Variants in CLASP1 observed in about 807,000 individuals in gnomAD.
CLASP1 encodes cytoplasmic linker associated protein 1.
In CLASP1, 38 loss-of-function variants were observed where a neutral mutation model predicts 192.3. That is an observed-to-expected ratio of 0.20 (90% CI 0.15 to 0.26). The LOEUF (loss-of-function observed/expected upper bound fraction) is 0.26, where lower values mean the gene tolerates loss of function less well. CLASP1 is among the 10% of genes least tolerant of loss of function. The probability of loss-of-function intolerance (pLI) is 1.00; values close to 1 mark genes in which losing one functional copy is unlikely to be tolerated. For missense variants in CLASP1, 1,433 were observed against 1,932.5 expected, an observed-to-expected ratio of 0.74 and a Z score of 4.85; for synonymous variants, 691 against 712.8, an observed-to-expected ratio of 0.97 and a Z score of 0.49.
chr2:121,443,145 C>T (rs1184752477), intron 19 of CLASP1, among the ~76,000 whole-genome samples: 1 of 152,130 alleles, frequency 6.6e-6, no homozygotes, highest in East Asian at 1.9e-4. Flanking sequence ...TCTTCAGCAA[C>T]GGTCTCTATT....
At chr2:121,420,790 A>T (rs755149289) in intron 22 of CLASP1, among the ~76,000 whole-genome samples, 5 of 152,230 alleles carry the variant, frequency 3.3e-5, no homozygotes, top group Non-Finnish European at 4.4e-5. Flanking sequence ...AATTCTTCCT[A>T]GCCCCATCCC....
rs34423741 is a variant in CLASP1, at chr2:121,555,988, CTTTTTTTTTTTT to C, written c.196-25675_196-25664del. ...CACGGCGCCTGCCCCCTACCCACCG[CTTTTTTTTTTTT>C]TTTTTTTTTTTTTTTTTTTTTGAGA... On this transcript the variant is annotated intron_variant, in intron 2 of 39. Transcript: ENST00000263710. 2.7e-3 allele frequency among the ~76,000 whole-genome samples: 114 copies of C among 42,390 alleles called. 1 individual carries two copies. In the East Asian group the frequency reaches 0.051, roughly 19 times the overall value. 27.8% of individuals were successfully genotyped at this position (42,390 alleles called of 152,430 possible).
chr2:121,448,208 C>A (rs370327952), intron 18 of CLASP1, 68 bp downstream of exon 18: 2 of 1,400,482 alleles, frequency 1.4e-6, no homozygotes, highest in Non-Finnish European at 2.0e-6. Context: ...GCCTGGGCAG[C>A]CTCTTGCAGC....
At chr2:121,526,314 G>A (rs998368515) in intron 5 of CLASP1, among the ~76,000 whole-genome samples, 5 of 152,184 alleles carry the variant, frequency 3.3e-5, no homozygotes, top group African/African-American at 1.2e-4. Flanking sequence ...CGTGTGCTGT[G>A]GCAGAGCTAG....
intron 39 of CLASP1, 107 bp from the exon 41 acceptor site, chr2:121,341,054 T>C (rs1419230999): frequency 2.7e-6 from 2 of 734,646 alleles, no homozygotes; most frequent in African/African-American, 3.5e-5. Context: ...AGTCCCTTAG[T>C]TCCCTTGGTT....
chr2:121,346,285 C>T (rs12622810), intron 39 of CLASP1, among the ~76,000 whole-genome samples: 28,461 of 152,202 alleles, frequency 0.19, 4,781 homozygotes, highest in African/African-American at 0.45. Flanking sequence ...GGAACCAAGG[C>T]CTCACCCCTT....
At chr2:121,606,036 G>A in exon 2 of CLASP1, 3 of 664,056 alleles carry the variant, frequency 4.5e-6, no homozygotes, top group Non-Finnish European at 7.7e-6. Context: ...TCTGGGGAAT[G>A]GCAACAATGC....
intron 2 of CLASP1, among the ~76,000 whole-genome samples, chr2:121,541,634 G>A (rs949971805): frequency 6.6e-6 from 1 of 152,048 alleles, no homozygotes; most frequent in Non-Finnish European, 1.5e-5. Flanking sequence ...CAGCCTCGGC[G>A]CTACACCTCT....
chr2:121,598,413 C>T (rs1366846346), intron 2 of CLASP1, among the ~76,000 whole-genome samples: 1 of 152,224 alleles, frequency 6.6e-6, no homozygotes, highest in African/African-American at 2.4e-5. Flanking sequence ...ACAGCCAAGC[C>T]TGTTCATTTA....
intron 22 of CLASP1, among the ~76,000 whole-genome samples, chr2:121,420,648 A>G (rs2079326053): frequency 6.6e-6 from 1 of 152,236 alleles, no homozygotes; most frequent in Non-Finnish European, 1.5e-5. Context: ...GAGCACATGT[A>G]AAAATTTTGT....
At chr2:121,473,028 T>G (rs1255328339) in intron 8 of CLASP1, among the ~76,000 whole-genome samples, 1 of 152,082 alleles carries the variant, frequency 6.6e-6, no homozygotes, top group East Asian at 1.9e-4. Context: ...CAAGGTAATA[T>G]TCACAATACA....
chr2:121,517,793 G>C (rs560898447), intron 6 of CLASP1, among the ~76,000 whole-genome samples: 1 of 145,444 alleles, frequency 6.9e-6, no homozygotes, highest in South Asian at 2.3e-4. Context: ...CTCAGGAGTT[G>C]GAGGCTGCAG....
intron 24 of CLASP1, chr2:121,409,111 T>C: frequency 7.4e-7 from 1 of 1,359,638 alleles, no homozygotes; most frequent in Non-Finnish European, 1.0e-6. Flanking sequence ...GAAGCATATG[T>C]AGGGATTGTT....
At chr2:121,421,757 G>T (rs1176216502) in intron 22 of CLASP1, among the ~76,000 whole-genome samples, 1 of 151,992 alleles carries the variant, frequency 6.6e-6, no homozygotes, top group Non-Finnish European at 1.5e-5. Context: ...TGGTCAGGCT[G>T]GTCTCCAACT....
At chr2:121,434,085 TA>T (rs2081926353) in intron 19 of CLASP1, among the ~76,000 whole-genome samples, 1 of 152,170 alleles carries the variant, frequency 6.6e-6, no homozygotes. Context: ...AGGGTGGGAA[TA>T]GAACAATGAA....
At chr2:121,527,232 T>C (rs922530820) in intron 5 of CLASP1, among the ~76,000 whole-genome samples, 1 of 152,208 alleles carries the variant, frequency 6.6e-6, no homozygotes, top group Non-Finnish European at 1.5e-5. Flanking sequence ...AACTGGAAAT[T>C]ACCCAAATGT....
chr2:121,351,746 T>C (rs2064475336), intron 37 of CLASP1, among the ~76,000 whole-genome samples: 1 of 152,194 alleles, frequency 6.6e-6, no homozygotes, highest in South Asian at 2.1e-4. Context: ...CGGATCAGCA[T>C]GGCTTAAGGG....
intron 37 of CLASP1, among the ~76,000 whole-genome samples, chr2:121,350,375 G>A (rs1032121309): frequency 3.5e-4 from 54 of 152,200 alleles, no homozygotes; most frequent in African/African-American, 1.3e-3. Context: ...GTCAGGGAGT[G>A]TGGGAAATGG....
At chr2:121,430,236 A>G (rs966130590) in intron 19 of CLASP1, 59 bp from the exon 20 acceptor site, 7 of 1,323,476 alleles carry the variant, frequency 5.3e-6, no homozygotes, top group Non-Finnish European at 6.3e-6. Context: ...CACCTCCTCA[A>G]GAAAAGAAGC....
Sources: allele counts gnomAD v4.1 joint callset (sites outside exome capture counted in the v4.1 genomes callset), GRCh38; gene constraint gnomAD v4.1.1; transcripts MANE v1.5; gene names NCBI Gene and HGNC (gene_info 2026-07-23, HGNC 2026-07-21).